SORCS3: variants seen among roughly 807,000 people sequenced by gnomAD.
SORCS3 encodes the protein sortilin related VPS10 domain containing receptor 3.
A neutral mutation model predicts 146.3 loss-of-function variants in SORCS3; 57 were observed. That is an observed-to-expected ratio of 0.39 (90% CI 0.31 to 0.49). SORCS3 has a LOEUF of 0.49. Ranked by LOEUF, SORCS3 falls within the 20% of genes least tolerant of loss-of-function variation. SORCS3 has a pLI of 0.92. For missense variants in SORCS3, 1,341 were observed against 1,575.5 expected (o/e 0.85, Z 2.52); for synonymous variants, 653 against 618.5 (o/e 1.06, Z -0.83).
intron 25 of SORCS3, among the ~76,000 whole-genome samples, chr10:105,259,826 T>A (rs974044115): frequency 5.3e-5 from 8 of 152,174 alleles, no homozygotes; most frequent in Non-Finnish European, 7.4e-5. Context: ...GATAAATAGA[T>A]ACAAACTGCA....
At position 104,651,629 on chromosome 10, in the gene SORCS3, G is replaced by A. The variant is rs372772415; in HGVS notation, c.627+9675G>A. On this transcript the variant is annotated intron_variant, in intron 1 of 26. Transcript: ENST00000369701. ...GCTGAGGCTGGAGAATCTCTTGAAC[G>A]CAGGAGGCAGGGGTTGCAGTGAGCC... 1.1e-4 allele frequency among the ~76,000 whole-genome samples: 16 copies of A among 151,460 alleles called. No homozygotes were observed. In the South Asian group the frequency reaches 2.5e-3, roughly 24 times the overall value.
intron 6 of SORCS3, among the ~76,000 whole-genome samples, chr10:105,103,079 T>C (rs946087350): frequency 6.6e-6 from 1 of 152,074 alleles, no homozygotes; most frequent in African/African-American, 2.4e-5. Context: ...TAAGGAAATT[T>C]AACATTTAAA....
At chr10:104,664,156 G>A (rs2015738225) in intron 1 of SORCS3, among the ~76,000 whole-genome samples, 1 of 152,156 alleles carries the variant, frequency 6.6e-6, no homozygotes, top group Non-Finnish European at 1.5e-5. Flanking sequence ...GCTGTCTTGG[G>A]GTGACGTTGC....
intron 14 of SORCS3, among the ~76,000 whole-genome samples, chr10:105,194,935 C>G (rs2056535920): frequency 6.6e-6 from 1 of 152,052 alleles, no homozygotes; most frequent in Non-Finnish European, 1.5e-5. Flanking sequence ...GTTTAACAAC[C>G]CTGTAGGTGA....
intron 2 of SORCS3, among the ~76,000 whole-genome samples, chr10:104,883,347 A>T (rs571167008): frequency 1.3e-5 from 2 of 152,320 alleles, no homozygotes; most frequent in South Asian, 4.1e-4. Context: ...CACATGATTG[A>T]TCTGGCTATT....
At chr10:105,059,227 C>T (rs979523055) in intron 5 of SORCS3, among the ~76,000 whole-genome samples, 6 of 152,132 alleles carry the variant, frequency 3.9e-5, no homozygotes, top group Non-Finnish European at 7.4e-5. Context: ...TTTTCTCCAC[C>T]GTGCTTGAAA....
At chr10:104,774,379 C>T (rs2017284798) in intron 1 of SORCS3, among the ~76,000 whole-genome samples, 1 of 152,176 alleles carries the variant, frequency 6.6e-6, no homozygotes, top group African/African-American at 2.4e-5. Context: ...TCAGCTGCAC[C>T]ACAGCCCCTT....
At chr10:104,645,519 G>T (rs1223778413) in intron 1 of SORCS3, among the ~76,000 whole-genome samples, 1 of 152,144 alleles carries the variant, frequency 6.6e-6, no homozygotes, top group Non-Finnish European at 1.5e-5. Flanking sequence ...CCCTCACATT[G>T]GTCTTCATTT....
chr10:105,003,157 A>C (rs1262013236), intron 4 of SORCS3, among the ~76,000 whole-genome samples: 1 of 152,318 alleles, frequency 6.6e-6, no homozygotes, highest in Non-Finnish European at 1.5e-5. Context: ...TGGGAGAATT[A>C]AATCATTTAC....
chr10:104,784,903 G>T (rs1450402027), intron 1 of SORCS3, among the ~76,000 whole-genome samples: 1 of 152,194 alleles, frequency 6.6e-6, no homozygotes, highest in East Asian at 1.9e-4. Context: ...AAAAAAATGT[G>T]CTTGCTATTC....
intron 1 of SORCS3, among the ~76,000 whole-genome samples, chr10:104,694,019 C>T (rs576222551): frequency 2.5e-4 from 38 of 152,004 alleles, no homozygotes; most frequent in South Asian, 4.2e-4. Context: ...CAGGTTTCTA[C>T]GCAGGACACT....
At chr10:104,683,448 A>G (rs559084938) in intron 1 of SORCS3, among the ~76,000 whole-genome samples, 86 of 152,354 alleles carry the variant, frequency 5.6e-4, no homozygotes, top group Admixed American at 2.4e-3. Flanking sequence ...TGGCCAGCTA[A>G]GACCTATCTG....
intron 1 of SORCS3, among the ~76,000 whole-genome samples, chr10:104,778,560 A>G (rs1413602795): frequency 6.6e-6 from 1 of 152,220 alleles, no homozygotes; most frequent in East Asian, 1.9e-4. Flanking sequence ...ATGAGATAAC[A>G]TGCATCAAAG....
intron 3 of SORCS3, among the ~76,000 whole-genome samples, chr10:104,975,768 C>A (rs979815362): frequency 2.0e-5 from 3 of 152,208 alleles, no homozygotes; most frequent in African/African-American, 7.2e-5. Context: ...ATATCTACAA[C>A]TATCTGATTT....
intron 1 of SORCS3, among the ~76,000 whole-genome samples, chr10:104,767,753 C>G (rs1418352944): frequency 1.6e-5 from 2 of 129,022 alleles, no homozygotes; most frequent in African/African-American, 5.9e-5. Context: ...CGCTCTCTTT[C>G]TGCTTCCCCT....
intron 5 of SORCS3, among the ~76,000 whole-genome samples, chr10:105,055,036 A>T (rs922104199): frequency 6.6e-5 from 10 of 152,136 alleles, no homozygotes; most frequent in Admixed American, 6.6e-4. Flanking sequence ...AAATAATGGA[A>T]TTTTTTTCAA....
chr10:104,952,117 C>T (rs1247117001), intron 3 of SORCS3, among the ~76,000 whole-genome samples: 1 of 151,446 alleles, frequency 6.6e-6, no homozygotes, highest in African/African-American at 2.4e-5. Flanking sequence ...GGACCAGTAG[C>T]ATTGACATCA....
intron 20 of SORCS3, among the ~76,000 whole-genome samples, chr10:105,237,813 A>G (rs2056801362): frequency 6.6e-6 from 1 of 152,212 alleles, no homozygotes; most frequent in Non-Finnish European, 1.5e-5. Context: ...GATGAAATAG[A>G]AATTATCCCC....
chr10:104,686,135 G>A (rs2016040589), intron 1 of SORCS3, among the ~76,000 whole-genome samples: 1 of 152,026 alleles, frequency 6.6e-6, no homozygotes, highest in South Asian at 2.1e-4. Context: ...AATTTCTCTC[G>A]CAGGCCACCA....
Sources: gnomAD v4.1 joint callset for allele counts (sites outside exome capture counted in the v4.1 genomes callset) on GRCh38, gnomAD v4.1.1 for gene constraint, MANE v1.5 for transcripts, NCBI Gene and HGNC (gene_info 2026-07-23, HGNC 2026-07-21) for gene names.